Variants in EED observed in about 807,000 individuals in gnomAD.
The protein encoded by EED is polycomb protein EED.
EED carries 9 observed loss-of-function variants against 61.0 expected under a neutral mutation model. That is an observed-to-expected ratio of 0.15 (90% CI 0.09 to 0.26). The LOEUF (loss-of-function observed/expected upper bound fraction) is 0.26. Among genes scored for constraint, EED ranks in the 10% least tolerant of loss-of-function variants. The pLI, the probability that EED is intolerant of heterozygous loss-of-function variation, is 1.00. For synonymous variants in EED, 187 were observed against 174.4 expected, an observed-to-expected ratio of 1.07 and a Z score of -0.57; for missense variants, 315 against 542.3, an observed-to-expected ratio of 0.58 and a Z score of 4.16.
At chr11:86,282,758 A>G (rs1299453891), downstream of EED, among the ~76,000 whole-genome samples, 1 of 152,176 alleles carries the variant, frequency 6.6e-6, no homozygotes, top group Admixed American at 6.5e-5. Context: ...CGTCATAACT[A>G]TTCAACTCTG....
At chr11:86,267,182 A>G (rs1279642210) in intron 8 of EED, among the ~76,000 whole-genome samples, 1 of 152,226 alleles carries the variant, frequency 6.6e-6, no homozygotes, top group Non-Finnish European at 1.5e-5. Flanking sequence ...AGGTTTGGCC[A>G]TACAATTATA....
chr11:86,261,697 T>C (rs918135082), intron 6 of EED, among the ~76,000 whole-genome samples: 2 of 152,242 alleles, frequency 1.3e-5, no homozygotes, highest in African/African-American at 4.8e-5. Context: ...ATCTGCAGAC[T>C]TAACACCACA....
downstream of EED, among the ~76,000 whole-genome samples, chr11:86,282,213 C>A (rs571349909): frequency 6.6e-6 from 1 of 152,198 alleles, no homozygotes; most frequent in South Asian, 2.1e-4. Context: ...AAAGTAATTT[C>A]TAAATTATAT....
At chr11:86,257,191 G>GTGTGTGTGTT (rs1293142609) in intron 5 of EED, among the ~76,000 whole-genome samples, 1 of 142,058 alleles carries the variant, frequency 7.0e-6, no homozygotes, top group African/African-American at 2.6e-5. Context: ...TAATTTGTGT[G>GTGTGTGTGTT]TGTGTGTGTG....
intron 7 of EED, 108 bp from the exon 8 acceptor site, chr11:86,265,975 G>A: frequency 1.1e-6 from 1 of 932,502 alleles, no homozygotes; most frequent in South Asian, 1.9e-5. Flanking sequence ...AATGTAGTTT[G>A]TATTGTGATT....
the EED span, among the ~76,000 whole-genome samples, chr11:86,287,211 G>A: frequency 2.2e-4 from 33 of 152,030 alleles, no homozygotes; most frequent in African/African-American, 7.5e-4. Flanking sequence ...AGTCTAGATG[G>A]CTTTTACCAA....
At chr11:86,285,566 G>T in the EED span, among the ~76,000 whole-genome samples, 4 of 152,134 alleles carry the variant, frequency 2.6e-5, no homozygotes, top group Non-Finnish European at 2.9e-5. Context: ...TTGTTAGCAT[G>T]AATTTTATTA....
At chr11:86,266,331 A>G (rs1945977933) in intron 8 of EED, 115 bp downstream of exon 8, 2 of 879,808 alleles carry the variant, frequency 2.3e-6, no homozygotes, top group Admixed American at 2.9e-5. Context: ...ACCTTCTTTT[A>G]ACTTTAAGGG....
intron 9 of EED, among the ~76,000 whole-genome samples, chr11:86,271,918 G>T (rs1044726133): frequency 1.4e-5 from 2 of 145,212 alleles, no homozygotes; most frequent in East Asian, 4.1e-4. Context: ...GTCTGTATTC[G>T]TGAGGTATGA....
In EED at chr11:86,270,342, G is replaced by A. The variant is rs558087919; in HGVS notation, c.966+1781G>A. On this transcript the variant is annotated intron_variant, in intron 9 of 11. Coordinates refer to ENST00000263360, the MANE Select transcript of EED (RefSeq NM_003797.5). ...CTTTTGCTCATTTTCTAATTGGATTGGTTTTTTGTTGTGTTTTTTTTTTTT... is the reference window on the plus strand; with the variant it reads ...CTTTTGCTCATTTTCTAATTGGATTAGTTTTTTGTTGTGTTTTTTTTTTTT... Among the ~76,000 whole-genome samples, 16 of 118,562 alleles carry A rather than the reference G, an allele frequency of 1.3e-4. No homozygotes were observed. In the South Asian group the frequency reaches 1.5e-3, roughly 11 times the overall value. 77.8% of individuals were successfully genotyped at this position (118,562 alleles called of 152,430 possible). A position where few individuals can be genotyped will look rare whatever the true frequency, so the allele number is the denominator to read the frequency against.
Position 86,268,504 on chromosome 11 carries a change from C to T in EED, c.909C>T (p.Asp303=). 1 of 1,610,228 alleles carries T rather than the reference C, an allele frequency of 6.2e-7. No homozygotes were observed. The highest frequency in any genetic ancestry group is 1.1e-5 in the South Asian group (1 of 90,230). ...ATTTTCCTGATTTTTCTACCAGAGA[C>T]ATACATAGGAATTATGTTGATTGTG... ...KIHFPDFSTR[D]IHRNYVDCVR... The change falls in exon 9 of 12, where the codon GAC becomes GAT. Residue 303 remains aspartate, a synonymous_variant. Coordinates refer to ENST00000263360, the MANE Select transcript of EED (RefSeq NM_003797.5).
chr11:86,277,857 C>T (rs939052562), intron 10 of EED, 61 bp from the exon 11 acceptor site: 2 of 1,457,158 alleles, frequency 1.4e-6, no homozygotes, highest in Non-Finnish European at 9.1e-7. Context: ...GAGGATTCCT[C>T]CAATGCTTTA....
chr11:86,268,390 T>C, intron 8 of EED, 66 bp from the exon 9 acceptor site: 1 of 1,077,798 alleles, frequency 9.3e-7, no homozygotes, highest in South Asian at 1.7e-5. Context: ...AATCCAAAAA[T>C]GAAAAAGAGT....
chr11:86,263,954 A>C, intron 6 of EED: 1 of 510,014 alleles, frequency 2.0e-6, no homozygotes, highest in Non-Finnish European at 3.5e-6. Context: ...TTGAGTTTCT[A>C]GCACATGCTT....
intron 8 of EED, 41 bp from the exon 9 acceptor site, chr11:86,268,415 A>AT (rs1946035180): frequency 1.5e-6 from 2 of 1,350,982 alleles, no homozygotes; most frequent in South Asian, 2.7e-5. Context: ...TTCTACTATA[A>AT]TTTTTTCTTT....
At chr11:86,269,869 T>C (rs1946070890) in intron 9 of EED, among the ~76,000 whole-genome samples, 1 of 152,188 alleles carries the variant, frequency 6.6e-6, no homozygotes, top group African/African-American at 2.4e-5. Flanking sequence ...TTCCATGGTA[T>C]GGATTACCAT....
At chr11:86,256,032 G>A (rs1170405857) in intron 4 of EED, among the ~76,000 whole-genome samples, 1 of 152,190 alleles carries the variant, frequency 6.6e-6, no homozygotes, top group African/African-American at 2.4e-5. Flanking sequence ...ATAGAGCAGA[G>A]GTTAAACTAC....
chr11:86,285,435 A>T, the EED span, among the ~76,000 whole-genome samples: 5 of 152,128 alleles, frequency 3.3e-5, no homozygotes, highest in African/African-American at 9.7e-5. Flanking sequence ...AAGAAAAAAA[A>T]ATTAAAAGGA....
At position 86,266,224 on chromosome 11, in the gene EED, T is replaced by G; in HGVS notation, c.860+8T>G. 1 of 1,574,070 alleles carries G rather than the reference T, an allele frequency of 6.4e-7. No individual in the cohort carries two copies. The highest frequency in any genetic ancestry group is 8.6e-7 in the Non-Finnish European group (1 of 1,156,412). ...TCCAAATAAAACTAACAGGTAACAG[T>G]TGTGGTATTTGAAACAATTTGCTAT... On this transcript the variant is annotated splice_region_variant and intron_variant, in intron 8 of 11. Coordinates refer to ENST00000263360, the MANE Select transcript of EED (RefSeq NM_003797.5).
Sources: gnomAD v4.1 joint callset for allele counts (sites outside exome capture counted in the v4.1 genomes callset) on GRCh38, gnomAD v4.1.1 for gene constraint, MANE v1.5 for transcripts, NCBI Gene and HGNC (gene_info 2026-07-23, HGNC 2026-07-21) for gene names.